The following SIL1 variants were observed in gnomAD, a reference collection of about 807,000 sequenced individuals.
The protein encoded by SIL1 is nucleotide exchange factor SIL1.
In SIL1, 40 loss-of-function variants were observed where a neutral mutation model predicts 49.1. The ratio of observed to expected loss-of-function variants is 0.81; its 90% CI spans 0.63 to 1.06. The LOEUF (loss-of-function observed/expected upper bound fraction) is 1.06, where lower values mean the gene tolerates loss of function less well. Among genes scored for constraint, SIL1 ranks in the 50% least tolerant of loss-of-function variants. The probability of loss-of-function intolerance (pLI) is 0.00; values close to 1 mark genes in which losing one functional copy is unlikely to be tolerated. For missense variants in SIL1, 500 were observed against 572.6 expected, an observed-to-expected ratio of 0.87 and a Z score of 1.29; for synonymous variants, 253 against 250.8, an observed-to-expected ratio of 1.01 and a Z score of -0.08.
chr5:139,063,585 A>T (rs1219261493), intron 3 of SIL1, among the ~76,000 whole-genome samples: 4 of 152,244 alleles, frequency 2.6e-5, no homozygotes, highest in Non-Finnish European at 4.4e-5. Flanking sequence ...ACATTTTTTT[A>T]AATTCTCACT....
At chr5:139,077,856 CTT>C (rs1312443064) in intron 3 of SIL1, among the ~76,000 whole-genome samples, 1 of 152,154 alleles carries the variant, frequency 6.6e-6, no homozygotes, top group Non-Finnish European at 1.5e-5. Context: ...AAATCATATG[CTT>C]TAGTGCACCC....
chr5:139,094,761 TTA>T (rs1368989506), intron 3 of SIL1, among the ~76,000 whole-genome samples: 2 of 152,218 alleles, frequency 1.3e-5, no homozygotes, highest in African/African-American at 4.8e-5. Flanking sequence ...TCCAGACTCT[TTA>T]TGTTTCACTA....
intron 3 of SIL1, among the ~76,000 whole-genome samples, chr5:139,092,258 T>G (rs1169507901): frequency 6.6e-6 from 1 of 152,184 alleles, no homozygotes; most frequent in Admixed American, 6.5e-5. Context: ...CCTTCTTTCT[T>G]GGACACTCAG....
At chr5:139,060,230 C>T (rs1302633842) in intron 3 of SIL1, among the ~76,000 whole-genome samples, 2 of 151,938 alleles carry the variant, frequency 1.3e-5, no homozygotes, top group Admixed American at 6.6e-5. Context: ...TTCTAAGAGT[C>T]GGAGCTATAA....
chr5:139,196,405 C>T (rs1158433822), intron 1 of SIL1: 2 of 152,202 alleles, frequency 1.3e-5, no homozygotes, highest in Non-Finnish European at 2.9e-5. Flanking sequence ...GGATCAAGTT[C>T]CCACATGTCA....
chr5:139,194,663 A>C (rs1752232164), intron 1 of SIL1, among the ~76,000 whole-genome samples: 2 of 152,214 alleles, frequency 1.3e-5, no homozygotes, highest in African/African-American at 4.8e-5. Context: ...AGCGTGATCC[A>C]AGCACCATCT....
Position 139,087,904 on chromosome 5 carries a change from T to C in SIL1, c.244+33131A>G, listed in dbSNP as rs192067922. On this transcript the variant is annotated intron_variant, in intron 3 of 9. Coordinates refer to ENST00000394817, the MANE Select transcript of SIL1 (RefSeq NM_022464.5). ...ACCACCCCTCCACATCCCAAGTGGC[T>C]AATGTGGCTAGCATCCAGCCACCCA... Among the ~76,000 whole-genome samples, 160 of 152,234 alleles carry C rather than the reference T, an allele frequency of 1.1e-3. No individual in the cohort carries two copies. The Middle Eastern group carries it at 0.02, about 19-fold the overall frequency.
intron 3 of SIL1, among the ~76,000 whole-genome samples, chr5:139,086,472 C>A (rs181270538): frequency 0.012 from 1,759 of 151,778 alleles, 32 homozygotes; most frequent in African/African-American, 0.04. Context: ...TCAAACAATT[C>A]TCCTGCCTCA....
intron 1 of SIL1, among the ~76,000 whole-genome samples, chr5:139,174,794 C>T (rs7721425): frequency 0.2 from 29,486 of 150,686 alleles, 6,419 homozygotes; most frequent in African/African-American, 0.54. Context: ...AAAAATTAGC[C>T]GGGCATCATG....
intron 1 of SIL1, among the ~76,000 whole-genome samples, chr5:139,158,743 A>G (rs1751450886): frequency 6.6e-6 from 1 of 152,256 alleles, no homozygotes; most frequent in Non-Finnish European, 1.5e-5. Flanking sequence ...AATTTTTTAA[A>G]AAAAGAAAAG....
At chr5:139,035,620 T>G in intron 5 of SIL1, 1 of 287,408 alleles carries the variant, frequency 3.5e-6, no homozygotes, top group Non-Finnish European at 6.7e-6. Flanking sequence ...CATTTCACCC[T>G]CCGTGCATCT....
In SIL1 at chr5:138,948,887, T is replaced by C. The variant is rs1766696879; in HGVS notation, c.1030-1414A>G. ...GGCCCAGCATGCTTTTTTCCGCAAG[T>C]GCTCTTGCCCTCTCACCTTCCACAA... On this transcript the variant is annotated intron_variant, in intron 9 of 9. Coordinates refer to ENST00000394817, the MANE Select transcript of SIL1 (RefSeq NM_022464.5). This position sits in a 1 kb window ranked among gnomAD's most constrained non-coding sequence, Gnocchi z 4.8. 6.6e-6 allele frequency among the ~76,000 whole-genome samples: 1 copy of C among 152,348 alleles called. No homozygotes were observed. The highest frequency in any genetic ancestry group is 1.9e-4 in the East Asian group (1 of 5,190).
At chr5:138,965,541 A>G (rs1767119237) in intron 7 of SIL1, among the ~76,000 whole-genome samples, 1 of 152,102 alleles carries the variant, frequency 6.6e-6, no homozygotes, top group South Asian at 2.1e-4. Context: ...AGGCATAAAC[A>G]GAACATATGG....
At chr5:138,962,189 A>G (rs1195777581) in intron 7 of SIL1, among the ~76,000 whole-genome samples, 1 of 152,058 alleles carries the variant, frequency 6.6e-6, no homozygotes, top group Admixed American at 6.5e-5. Context: ...CAGTTTTATA[A>G]TTTCAATTGA....
At chr5:139,026,472 G>A (rs915072143) in intron 6 of SIL1, among the ~76,000 whole-genome samples, 1 of 152,094 alleles carries the variant, frequency 6.6e-6, no homozygotes, top group African/African-American at 2.4e-5. Flanking sequence ...GCGTGGTGGT[G>A]CACACCTGTA....
intron 1 of SIL1, among the ~76,000 whole-genome samples, chr5:139,191,514 T>C (rs1752171218): frequency 6.6e-6 from 1 of 151,920 alleles, no homozygotes; most frequent in Admixed American, 6.6e-5. Context: ...GCATGGTGGC[T>C]CACACTTGTA....
At chr5:139,194,836 CAG>C (rs541582302) in intron 1 of SIL1, among the ~76,000 whole-genome samples, 19 of 152,148 alleles carry the variant, frequency 1.2e-4, no homozygotes, top group Admixed American at 8.5e-4. Flanking sequence ...TGAAGAAAGA[CAG>C]GGGGAGGCTG....
intron 3 of SIL1, among the ~76,000 whole-genome samples, chr5:139,100,072 A>G (rs559940345): frequency 6.6e-5 from 10 of 152,234 alleles, no homozygotes; most frequent in Admixed American, 6.5e-5. Flanking sequence ...ATGTATGCAC[A>G]AAAAGTAACA....
intron 1 of SIL1, among the ~76,000 whole-genome samples, chr5:139,197,584 T>C (rs183890279): frequency 1.8e-4 from 28 of 152,322 alleles, no homozygotes; most frequent in African/African-American, 6.0e-4. Context: ...TAGCATTTCC[T>C]GATTCCTGGC....
Sources: gnomAD v4.1 joint callset for allele counts (sites outside exome capture counted in the v4.1 genomes callset) on GRCh38, gnomAD v4.1.1 for gene constraint, Gnocchi (gnomAD v3.1) non-coding constraint, MANE v1.5 for transcripts, NCBI Gene and HGNC (gene_info 2026-07-23, HGNC 2026-07-21) for gene names.